KCNN2: variants seen among roughly 807,000 people sequenced by gnomAD.
KCNN2 encodes the protein small conductance calcium-activated potassium channel protein 2.
A neutral mutation model predicts 55.5 loss-of-function variants in KCNN2; 24 were observed. The ratio of observed to expected loss-of-function variants is 0.43; its 90% CI spans 0.31 to 0.61. The LOEUF is 0.61. KCNN2 is among the 20% of genes least tolerant of loss of function. KCNN2 has a pLI of 0.08. For synonymous variants in KCNN2, 431 were observed against 336.1 expected, an observed-to-expected ratio of 1.28 and a Z score of -3.09; for missense variants, 754 against 853.6, an observed-to-expected ratio of 0.88 and a Z score of 1.45.
intron 4 of KCNN2, among the ~76,000 whole-genome samples, chr5:114,470,252 G>T (rs1199093038): frequency 6.6e-6 from 1 of 152,242 alleles, no homozygotes; most frequent in South Asian, 2.1e-4. Context: ...CCACCTGCCA[G>T]GGGAGAACAA....
chr5:114,452,894 A>G (rs954341120), intron 3 of KCNN2, among the ~76,000 whole-genome samples: 9 of 152,302 alleles, frequency 5.9e-5, no homozygotes, highest in Admixed American at 4.6e-4. Flanking sequence ...TTATGCTTAT[A>G]TGTTCTAATT....
At chr5:114,149,691 G>C (rs572110405) in intron 1 of KCNN2, among the ~76,000 whole-genome samples, 3 of 152,296 alleles carry the variant, frequency 2.0e-5, no homozygotes, top group South Asian at 4.1e-4. Flanking sequence ...GTGTGCATCA[G>C]TAATTTCTAA....
chr5:114,451,000 T>C (rs1010866352), intron 3 of KCNN2, among the ~76,000 whole-genome samples: 1 of 152,186 alleles, frequency 6.6e-6, no homozygotes, highest in Non-Finnish European at 1.5e-5. Context: ...AATATATAAA[T>C]TGGGGGAAAT....
chr5:114,336,174 G>T (rs1756920510), intron 2 of KCNN2, among the ~76,000 whole-genome samples: 1 of 152,166 alleles, frequency 6.6e-6, no homozygotes. Flanking sequence ...AAACAAACAT[G>T]TTTTAAACAC....
At chr5:114,158,142 A>G (rs901500651) in intron 1 of KCNN2, among the ~76,000 whole-genome samples, 2 of 151,894 alleles carry the variant, frequency 1.3e-5, no homozygotes, top group African/African-American at 2.4e-5. Flanking sequence ...TTTAGGTCTA[A>G]CATGTAAGTC....
chr5:114,223,422 T>C (rs997305468), intron 2 of KCNN2, among the ~76,000 whole-genome samples: 1 of 152,232 alleles, frequency 6.6e-6, no homozygotes, highest in Middle Eastern at 3.2e-3. Flanking sequence ...TGTTTTTCTT[T>C]AGCCATATTT....
At chr5:114,295,235 G>C (rs1419794648) in intron 2 of KCNN2, among the ~76,000 whole-genome samples, 3 of 152,236 alleles carry the variant, frequency 2.0e-5, no homozygotes, top group Non-Finnish European at 4.4e-5. Context: ...AAAGCTGTCA[G>C]ACAGGGACAT....
At chr5:114,204,992 T>G (rs1753740881) in intron 1 of KCNN2, among the ~76,000 whole-genome samples, 2 of 152,178 alleles carry the variant, frequency 1.3e-5, no homozygotes, top group Non-Finnish European at 2.9e-5. Flanking sequence ...TAAGAGAACA[T>G]AGCATCTATT....
chr5:114,101,675 A>C (rs2112569935), intron 1 of KCNN2, among the ~76,000 whole-genome samples: 1 of 151,932 alleles, frequency 6.6e-6, no homozygotes, highest in African/African-American at 2.4e-5. Context: ...ATGAGTGAGA[A>C]CATGTGGTGT....
intron 1 of KCNN2, among the ~76,000 whole-genome samples, chr5:114,191,551 G>A (rs1277528912): frequency 6.6e-6 from 1 of 152,098 alleles, no homozygotes; most frequent in Non-Finnish European, 1.5e-5. Flanking sequence ...TATAATTTAA[G>A]TCATAAACAT....
chr5:114,247,056 C>G (rs1197755560), intron 2 of KCNN2, among the ~76,000 whole-genome samples: 1 of 151,464 alleles, frequency 6.6e-6, no homozygotes, highest in Admixed American at 6.6e-5. Flanking sequence ...GTAATCCCAG[C>G]ACTTTGGGAG....
chr5:114,273,081 G>C (rs1755398989), intron 2 of KCNN2, among the ~76,000 whole-genome samples: 1 of 151,980 alleles, frequency 6.6e-6, no homozygotes, highest in Non-Finnish European at 1.5e-5. Flanking sequence ...CTGTGTCCAT[G>C]TATTCTCATT....
At chr5:114,139,129 C>G (rs1263117498) in intron 1 of KCNN2, among the ~76,000 whole-genome samples, 2 of 152,104 alleles carry the variant, frequency 1.3e-5, no homozygotes, top group East Asian at 3.8e-4. Context: ...AGTAACTAAT[C>G]CATTTACATG....
rs373096683 is a variant in KCNN2 at position 114,268,894 on chromosome 5, G to A, written c.-185+47329G>A. ...TTGTCAGGCAGCAGGAACAAAACAAGAGAGACAAGTCACTATGCCTCAGGT... is the reference window on the plus strand; with the variant it reads ...TTGTCAGGCAGCAGGAACAAAACAAAAGAGACAAGTCACTATGCCTCAGGT... On this transcript the variant is annotated intron_variant, in intron 2 of 10. Transcript: ENST00000512097. Among the ~76,000 whole-genome samples the A allele has an allele frequency of 2.0e-5, 3 of 151,628 alleles. No homozygotes were observed. The South Asian group carries it at 6.3e-4, about 32-fold the overall frequency.
intron 2 of KCNN2, among the ~76,000 whole-genome samples, chr5:114,299,915 C>T (rs561214115): frequency 3.3e-4 from 51 of 152,244 alleles, no homozygotes; most frequent in African/African-American, 1.2e-3. Context: ...TTGAAAATAA[C>T]TTCCAGTATC....
chr5:114,076,031 G>A (rs1280359563), intron 1 of KCNN2, among the ~76,000 whole-genome samples: 2 of 152,188 alleles, frequency 1.3e-5, no homozygotes, highest in Non-Finnish European at 2.9e-5. Flanking sequence ...AGTTTGTTAC[G>A]CACCACTACT....
At position 114,149,679 on chromosome 5, in the gene KCNN2, G is replaced by C. The variant is rs144170960; in HGVS notation, c.-270-71801G>C. Among the ~76,000 whole-genome samples, 344 of 152,238 alleles carry C rather than the reference G, an allele frequency of 2.3e-3. 1 individual carries two copies. The highest frequency in any genetic ancestry group is 7.9e-3 in the African/African-American group (327 of 41,560). ...TACAGAGATTAGAATTTAAAATATA[G>C]TGTGTGCATCAGTAATTTCTAACAG... is the stretch of plus-strand genomic sequence containing the variant. On this transcript the variant is annotated intron_variant, in intron 1 of 10. Coordinates refer to the KCNN2 transcript ENST00000512097.
At chr5:114,358,575 C>T (rs536852235), upstream of KCNN2, among the ~76,000 whole-genome samples, 2 of 152,254 alleles carry the variant, frequency 1.3e-5, no homozygotes, top group South Asian at 2.1e-4. Context: ...CACTTATATG[C>T]TTTAATGGAA....
intron 3 of KCNN2, among the ~76,000 whole-genome samples, chr5:114,423,278 C>T (rs1261597223): frequency 6.6e-6 from 1 of 152,118 alleles, no homozygotes; most frequent in Admixed American, 6.5e-5. Context: ...TTTTAAGGTT[C>T]ATTTCTCATG....
Sources: allele counts gnomAD v4.1 joint callset (sites outside exome capture counted in the v4.1 genomes callset), GRCh38; gene constraint gnomAD v4.1.1; transcripts MANE v1.5; gene names NCBI Gene and HGNC (gene_info 2026-07-23, HGNC 2026-07-21).